Variants in IKZF1 observed in about 807,000 individuals in gnomAD.
IKZF1 encodes the protein DNA-binding protein Ikaros.
IKZF1 carries 10 observed loss-of-function variants against 51.7 expected under a neutral mutation model. That is an observed-to-expected ratio of 0.19 (90% CI 0.12 to 0.33). The LOEUF is 0.33. IKZF1 is among the 10% of genes least tolerant of loss of function. The pLI, the probability that IKZF1 is intolerant of heterozygous loss-of-function variation, is 1.00. For synonymous variants in IKZF1, 280 were observed against 282.3 expected (o/e 0.99, Z 0.08); for missense variants, 484 against 707.5 (o/e 0.68, Z 3.58).
intron 1 of IKZF1, among the ~76,000 whole-genome samples, chr7:50,317,192 G>A (rs954022390): frequency 5.9e-5 from 9 of 152,238 alleles, no homozygotes; most frequent in Middle Eastern, 3.4e-3. Context: ...TAAAAATTTC[G>A]TGTTGTTATA....
Position 50,325,960 on chromosome 7 carries a change from C to A in IKZF1, c.41-1678C>A, listed in dbSNP as rs760502108. 4.5e-4 allele frequency among the ~76,000 whole-genome samples: 68 copies of A among 152,260 alleles called. No individual in the cohort carries two copies. The Middle Eastern group carries it at 0.01, about 23-fold the overall frequency. On this transcript the variant is annotated intron_variant, in intron 2 of 7. Coordinates refer to ENST00000331340, the MANE Select transcript of IKZF1 (RefSeq NM_006060.6). ...ATTTTGTATTGGCTATCCAAATATA[C>A]CCAATAATGCTCTTTCTGAAAATAT... is the stretch of plus-strand genomic sequence containing the variant.
At chr7:50,354,502 G>A (rs1584718130) in intron 3 of IKZF1, among the ~76,000 whole-genome samples, 1 of 152,336 alleles carries the variant, frequency 6.6e-6, no homozygotes, top group Middle Eastern at 3.4e-3. Flanking sequence ...GGCCTGAAGG[G>A]AGCCTAAGAG....
chr7:50,368,869 C>G (rs988489526), intron 3 of IKZF1: 3 of 221,040 alleles, frequency 1.4e-5, no homozygotes, highest in African/African-American at 6.7e-5. Context: ...TTTGTTAACA[C>G]TGTGACAATT....
intron 6 of IKZF1, 88 bp downstream of exon 6, chr7:50,387,558 C>A: frequency 6.9e-7 from 1 of 1,454,630 alleles, no homozygotes; most frequent in Non-Finnish European, 9.1e-7. Context: ...GCCTTAGGAG[C>A]AGAGCCTTGG....
At position 50,400,367 on chromosome 7, in the gene IKZF1, G is replaced by C. The variant is rs749084924; in HGVS notation, c.1300G>C (p.Ala434Pro). ...GCTGTCGCTCAAGGAGGAGCACCGC[G>C]CCTACGACCTGCTGCGCGCCGCCTC... The part of the protein sequence containing the change: ...NGLSLKEEHR[A>P]YDLLRAASEN... Residue 434 changes from alanine (A) to proline (P), a missense_variant, in exon 8 of 8, where the codon GCC (alanine) becomes CCC (proline). Coordinates refer to ENST00000331340, the MANE Select transcript of IKZF1 (RefSeq NM_006060.6). The surrounding 1 kb of genome is among the most constrained non-coding windows in gnomAD (Gnocchi z 5.4). The C allele has an allele frequency of 1.2e-6, 2 of 1,612,970 alleles. No homozygotes were observed. The highest frequency in any genetic ancestry group is 1.1e-5 in the South Asian group (1 of 91,052).
intron 3 of IKZF1, among the ~76,000 whole-genome samples, chr7:50,375,604 A>G (rs936464045): frequency 1.3e-5 from 2 of 152,170 alleles, no homozygotes; most frequent in African/African-American, 4.8e-5. Flanking sequence ...GAAGAAAAAT[A>G]TTCAAATGAC....
Position 50,400,240 on chromosome 7 carries a change from C to T in IKZF1, c.1173C>T (p.Ser391=), listed in dbSNP as rs761486148. Residue 391 remains serine, a synonymous_variant, in exon 8 of 8, where the codon AGC becomes AGT. Coordinates refer to ENST00000331340, the MANE Select transcript of IKZF1 (RefSeq NM_006060.6). This position sits in a 1 kb window ranked among gnomAD's most constrained non-coding sequence, Gnocchi z 5.4. The part of the protein sequence containing the change: ...LVPSEREASP[S]NSCQDSTDTE... ...CCTCGGAGCGCGAGGCGTCCCCGAG[C>T]AACAGCTGCCAAGACTCCACGGACA... 1.9e-6 allele frequency: 3 copies of T among 1,608,612 alleles called. No individual in the cohort carries two copies. The highest frequency in any genetic ancestry group is 2.2e-5 in the South Asian group (2 of 90,106).
intron 7 of IKZF1, among the ~76,000 whole-genome samples, chr7:50,399,713 C>A (rs1258870779): frequency 6.6e-6 from 1 of 152,176 alleles, no homozygotes; most frequent in Non-Finnish European, 1.5e-5. Context: ...GACGCATGGG[C>A]CTTCCCCCAG....
chr7:50,346,330 G>A (rs953185406), intron 3 of IKZF1, among the ~76,000 whole-genome samples: 13 of 152,148 alleles, frequency 8.5e-5, no homozygotes, highest in Non-Finnish European at 1.5e-5. Flanking sequence ...GCCCACTTAC[G>A]GAAGCACTGA....
intron 1 of IKZF1, among the ~76,000 whole-genome samples, chr7:50,313,296 C>T (rs6583438): frequency 0.3 from 45,387 of 152,088 alleles, 7,706 homozygotes; most frequent in East Asian, 0.5. Context: ...TCCCTGTCTC[C>T]CCCATGTATC....
chr7:50,319,331 A>C (rs1245055256), intron 2 of IKZF1, among the ~76,000 whole-genome samples: 1 of 152,144 alleles, frequency 6.6e-6, no homozygotes, highest in African/African-American at 2.4e-5. Context: ...AACTTCAGGA[A>C]AAAAAAACGG....
Position 50,387,468 on chromosome 7 carries a change from C to G in IKZF1, c.713C>G (p.Pro238Arg). ...ATGGGCCTTCCGGGCACACTGTACC[C>G]AGGTAAGCGCTGCTGCTCGGAGGCC... is the stretch of plus-strand genomic sequence containing the variant. ...ESMGLPGTLY[P>R]VIKEETNHSE... Residue 238 changes from proline (P) to arginine (R), a missense_variant and splice_region_variant, in exon 6 of 8, where the codon CCA becomes CGA. Pro to Arg is a moderately radical substitution (Grantham distance 103). Around this residue, in one of 6 missense-constraint regions of IKZF1, gnomAD observed 172 missense variants for 192.7 expected, o/e 0.89. Transcript: ENST00000331340. The G allele has an allele frequency of 6.2e-7, 1 of 1,608,632 alleles. No individual in the cohort carries two copies. The highest frequency in any genetic ancestry group is 8.5e-7 in the Non-Finnish European group (1 of 1,177,826).
chr7:50,359,210 G>C (rs936180142), intron 3 of IKZF1, among the ~76,000 whole-genome samples: 1 of 152,180 alleles, frequency 6.6e-6, no homozygotes, highest in Non-Finnish European at 1.5e-5. Flanking sequence ...GCAGTGAGCT[G>C]TGATCGAGCC....
chr7:50,353,398 C>G (rs1802380042), intron 3 of IKZF1, among the ~76,000 whole-genome samples: 1 of 152,252 alleles, frequency 6.6e-6, no homozygotes, highest in African/African-American at 2.4e-5. Context: ...GGTCTGGAAG[C>G]CACCTGCGCC....
At chr7:50,303,665 G>A (rs1788093447), upstream of IKZF1, among the ~76,000 whole-genome samples, 1 of 152,082 alleles carries the variant, frequency 6.6e-6, no homozygotes, top group Admixed American at 6.5e-5. This position sits in a 1 kb window ranked among gnomAD's most constrained non-coding sequence, Gnocchi z 4.7. Flanking sequence ...GGGAGCCAAG[G>A]GGCCCCAGTT....
chr7:50,331,787 G>A (rs1796494649), intron 3 of IKZF1, among the ~76,000 whole-genome samples: 1 of 152,256 alleles, frequency 6.6e-6, no homozygotes, highest in South Asian at 2.1e-4. Flanking sequence ...GAGCCAGAGG[G>A]CAGAGCAGCC....
rs929799424 is a variant in IKZF1, at chr7:50,337,310, A to G, written c.160+9553A>G. Among the ~76,000 whole-genome samples, 979 of 152,270 alleles carry G rather than the reference A, an allele frequency of 6.4e-3. 13 individuals carry two copies. The highest frequency in any genetic ancestry group is 0.022 in the African/African-American group (920 of 41,534). On this transcript the variant is annotated intron_variant, in intron 3 of 7. Coordinates refer to ENST00000331340, the MANE Select transcript of IKZF1 (RefSeq NM_006060.6). ...AGTGGGAGCTAGCAGAATAGAAAGG[A>G]TTAAAATCTAACTAGCAGCCCCAGG... is the stretch of plus-strand genomic sequence containing the variant.
chr7:50,336,952 A>G lies in IKZF1; in HGVS notation c.160+9195A>G, dbSNP rs1396683736. ...GTCTAAGAGAGGAGCAAAGAAGGAG[A>G]CAGAGTGAGTTGTGTGATTCGGGTA... On this transcript the variant is annotated intron_variant, in intron 3 of 7. Coordinates refer to ENST00000331340, the MANE Select transcript of IKZF1 (RefSeq NM_006060.6). Among the ~76,000 whole-genome samples the G allele has an allele frequency of 7.9e-5, 12 of 152,266 alleles. No individual in the cohort carries two copies. The South Asian group carries it at 2.5e-3, about 32-fold the overall frequency.
chr7:50,312,173 C>T (rs957162577), intron 1 of IKZF1, among the ~76,000 whole-genome samples: 7 of 152,262 alleles, frequency 4.6e-5, no homozygotes, highest in East Asian at 3.9e-4. Context: ...AAGTGTGAAA[C>T]GCCATTTATA....
Sources: gnomAD v4.1 joint callset for allele counts (sites outside exome capture counted in the v4.1 genomes callset) on GRCh38, gnomAD v4.1.1 for gene constraint, gnomAD v4.1.1 regional missense constraint, Gnocchi (gnomAD v3.1) non-coding constraint, MANE v1.5 for transcripts, NCBI Gene and HGNC (gene_info 2026-07-23, HGNC 2026-07-21) for gene names.